Variants in KCND2 observed in about 807,000 individuals in gnomAD.
KCND2 encodes the protein A-type voltage-gated potassium channel KCND2.
Under a neutral mutation model 54.4 loss-of-function variants are expected in KCND2, and 16 were observed. The observed-to-expected ratio is 0.29, with a 90% CI of 0.20 to 0.45. The LOEUF (loss-of-function observed/expected upper bound fraction) is 0.45, where lower values mean the gene tolerates loss of function less well. KCND2 is among the 20% of genes least tolerant of loss of function. The probability of loss-of-function intolerance (pLI) is 1.00; values close to 1 mark genes in which losing one functional copy is unlikely to be tolerated. For synonymous variants in KCND2, 317 were observed against 310.7 expected (o/e 1.02, Z -0.21); for missense variants, 486 against 824.2 (o/e 0.59, Z 5.02).
chr7:120,642,576 AAAT>A (rs1435381326), intron 1 of KCND2, among the ~76,000 whole-genome samples: 26 of 149,684 alleles, frequency 1.7e-4, no homozygotes, highest in African/African-American at 5.4e-4. Context: ...AAATAAAAAA[AAAT>A]ATATATATAT....
At chr7:120,341,184 C>G (rs1172894050) in intron 1 of KCND2, among the ~76,000 whole-genome samples, 1 of 152,060 alleles carries the variant, frequency 6.6e-6, no homozygotes. Context: ...GAAGCAAAGT[C>G]ATGAACTGAG....
At chr7:120,575,379 G>A (rs1792418242) in intron 1 of KCND2, among the ~76,000 whole-genome samples, 1 of 152,128 alleles carries the variant, frequency 6.6e-6, no homozygotes. Flanking sequence ...CAGCACGGGA[G>A]AAAGATGGAG....
Position 120,302,540 on chromosome 7 carries a change from C to T in KCND2, c.1115+26793C>T, listed in dbSNP as rs546112509. Among the ~76,000 whole-genome samples the T allele has an allele frequency of 3.9e-5, 6 of 152,092 alleles. No homozygotes were observed. In the South Asian group the frequency reaches 6.2e-4, roughly 16 times the overall value. On this transcript the variant is annotated intron_variant, in intron 1 of 5. Coordinates refer to ENST00000331113, the MANE Select transcript of KCND2 (RefSeq NM_012281.3). ...CCTGCCTTGGCCTCCCAGAGTGCTGCGATTACAGGCATAAGCCACTGTGCC... is the reference window on the plus strand; with the variant it reads ...CCTGCCTTGGCCTCCCAGAGTGCTGTGATTACAGGCATAAGCCACTGTGCC...
intron 1 of KCND2, among the ~76,000 whole-genome samples, chr7:120,311,472 G>A (rs569677191): frequency 2.6e-5 from 4 of 152,308 alleles, no homozygotes; most frequent in African/African-American, 9.6e-5. Context: ...AAGACTGGGA[G>A]TGAGCCCAGA....
chr7:120,277,488 A>G (rs1171213122), intron 1 of KCND2, among the ~76,000 whole-genome samples: 1 of 152,060 alleles, frequency 6.6e-6, no homozygotes, highest in Non-Finnish European at 1.5e-5. Flanking sequence ...ATAGGAAGGG[A>G]GAACTATTAA....
At chr7:120,721,270 T>C (rs1423675185) in intron 1 of KCND2, among the ~76,000 whole-genome samples, 1 of 152,208 alleles carries the variant, frequency 6.6e-6, no homozygotes, top group Non-Finnish European at 1.5e-5. Flanking sequence ...GGTAGAGTCA[T>C]GAATTTTTTA....
chr7:120,493,695 A>C (rs73217254), intron 1 of KCND2, among the ~76,000 whole-genome samples: 1 of 152,242 alleles, frequency 6.6e-6, no homozygotes, highest in Non-Finnish European at 1.5e-5. Context: ...TTGATTTGCA[A>C]AAATTCAGAA....
At chr7:120,502,808 C>CTCTTGATGTGAGGTGA (rs1802955945) in intron 1 of KCND2, among the ~76,000 whole-genome samples, 1 of 151,948 alleles carries the variant, frequency 6.6e-6, no homozygotes, top group Non-Finnish European at 1.5e-5. Context: ...CAGGCTTTCC[C>CTCTTGATGTGAGGTGA]AGTGGTACCA....
chr7:120,375,432 G>T (rs1246064487), intron 1 of KCND2, among the ~76,000 whole-genome samples: 1 of 151,716 alleles, frequency 6.6e-6, no homozygotes, highest in Non-Finnish European at 1.5e-5. Flanking sequence ...ATACCATACA[G>T]AATCTTTTTA....
intron 1 of KCND2, among the ~76,000 whole-genome samples, chr7:120,324,416 G>A (rs1332739783): frequency 1.4e-5 from 2 of 143,014 alleles, no homozygotes; most frequent in Non-Finnish European, 3.1e-5. Flanking sequence ...TTTCTTCTAG[G>A]GTTTTTATGG....
rs1799109000 is a variant in KCND2 at position 120,273,348 on chromosome 7, G to A, written c.-1285G>A. 6.7e-6 allele frequency among the ~76,000 whole-genome samples: 1 copy of A among 149,486 alleles called. No homozygotes were observed. Among genetic ancestry groups the A allele is most frequent in the East Asian group, 1.9e-4 (1 of 5,158 alleles). ...GCTGCCGAGCGCCTTCTGCCTCCGC[G>A]CTCGGACGAGAGCCCGTGCCGGCCC... is the stretch of plus-strand genomic sequence containing the variant. On this transcript the variant is annotated 5_prime_UTR_variant, in exon 1 of 6. Transcript: ENST00000331113.
chr7:120,414,968 G>A (rs1265872443), intron 1 of KCND2, among the ~76,000 whole-genome samples: 2 of 151,940 alleles, frequency 1.3e-5, no homozygotes, highest in Non-Finnish European at 2.9e-5. Context: ...AATTTCCCTT[G>A]CCCCATTAGT....
chr7:120,552,424 A>G (rs752849175), intron 1 of KCND2, among the ~76,000 whole-genome samples: 8 of 152,216 alleles, frequency 5.3e-5, no homozygotes, highest in Admixed American at 6.5e-5. Context: ...CAAAATGCAG[A>G]TTAACAAGAG....
chr7:120,565,511 A>G (rs1792285507), intron 1 of KCND2, among the ~76,000 whole-genome samples: 1 of 152,178 alleles, frequency 6.6e-6, no homozygotes, highest in African/African-American at 2.4e-5. Context: ...TTCATAATCT[A>G]GTTGTGTAAC....
intron 1 of KCND2, among the ~76,000 whole-genome samples, chr7:120,650,228 T>A (rs1194128208): frequency 1.5e-5 from 2 of 131,380 alleles, no homozygotes; most frequent in Non-Finnish European, 3.3e-5. Context: ...CTTGGTTCCA[T>A]TCTCCCCGTC....
chr7:120,595,460 A>AAATATATATATATATATATGTGTAT (rs1418247126), intron 1 of KCND2, among the ~76,000 whole-genome samples: 84 of 112,946 alleles, frequency 7.4e-4, no homozygotes, highest in Admixed American at 2.2e-3. Context: ...CCAAAAAAAA[A>AAATATATATATATATATATGTGTAT]ATATATATAT....
chr7:120,742,428 T>C (rs1792953347), intron 3 of KCND2, 82 bp from the exon 4 acceptor site: 2 of 1,081,240 alleles, frequency 1.8e-6, no homozygotes, highest in East Asian at 4.7e-5. Context: ...ATAGAGCAGA[T>C]CTCTCTGTGG....
intron 1 of KCND2, among the ~76,000 whole-genome samples, chr7:120,585,711 G>A (rs1488466683): frequency 6.6e-6 from 1 of 152,082 alleles, no homozygotes; most frequent in Non-Finnish European, 1.5e-5. Flanking sequence ...AAGAATCTGG[G>A]CCAGGGCACT....
At chr7:120,601,897 G>T (rs917876287) in intron 1 of KCND2, among the ~76,000 whole-genome samples, 1 of 152,192 alleles carries the variant, frequency 6.6e-6, no homozygotes, top group African/African-American at 2.4e-5. Context: ...GCTCACGTGT[G>T]AGGCCAATAT....
Sources: gnomAD v4.1 joint callset for allele counts (sites outside exome capture counted in the v4.1 genomes callset) on GRCh38, gnomAD v4.1.1 for gene constraint, MANE v1.5 for transcripts, NCBI Gene and HGNC (gene_info 2026-07-23, HGNC 2026-07-21) for gene names.